Variants in UBAP2L observed in about 807,000 individuals in gnomAD.
The protein encoded by UBAP2L is ubiquitin-associated protein 2-like.
Under a neutral mutation model 130.6 loss-of-function variants are expected in UBAP2L, and 12 were observed. That is an observed-to-expected ratio of 0.09 (90% CI 0.06 to 0.15). UBAP2L has a LOEUF of 0.15. UBAP2L is among the 10% of genes least tolerant of loss of function. The pLI, the probability that UBAP2L is intolerant of heterozygous loss-of-function variation, is 1.00. For missense variants in UBAP2L, 965 were observed against 1,332.5 expected (o/e 0.72, Z 4.29); for synonymous variants, 503 against 524.7 (o/e 0.96, Z 0.57).
chr1:154,244,107 C>A (rs1464471068), intron 10 of UBAP2L, among the ~76,000 whole-genome samples: 1 of 152,154 alleles, frequency 6.6e-6, no homozygotes, highest in Non-Finnish European at 1.5e-5. Flanking sequence ...GTAGGAGATA[C>A]ACTCTTCAGG....
In UBAP2L at chr1:154,228,724, C is replaced by T. The variant is rs757610873; in HGVS notation, c.278C>T (p.Thr93Met). The T allele has an allele frequency of 1.6e-5, 26 of 1,608,092 alleles. No homozygotes were observed. The highest frequency in any genetic ancestry group is 1.6e-4 in the East Asian group (7 of 44,826). The part of the protein sequence containing the change: ...INVLLEGNPD[T>M]HSWEMVGKKK... The stretch of plus-strand genomic sequence containing the variant: ...GTTCTTCTGGAAGGAAACCCAGACA[C>T]GGTAGAGTGCTTATAGAGTGTTCTA... The change falls in exon 4 of 27, where the codon ACG (threonine) becomes ATG (methionine). Residue 93 changes from threonine to methionine, a missense_variant and splice_region_variant. By Grantham distance (81) the Thr-to-Met change is moderately conservative (BLOSUM62 -1). Around this residue, in one of 9 missense-constraint regions of UBAP2L, gnomAD observed 34 missense variants for 101.4 expected, o/e 0.34. Transcript: ENST00000428931.
chr1:154,244,927 ACT>A (rs1239720104), intron 10 of UBAP2L, among the ~76,000 whole-genome samples: 1 of 151,576 alleles, frequency 6.6e-6, no homozygotes, highest in Non-Finnish European at 1.5e-5. Context: ...AAGTTCCAAC[ACT>A]CTTACCTGGT....
intron 12 of UBAP2L, among the ~76,000 whole-genome samples, chr1:154,250,576 A>T (rs928716025): frequency 6.6e-6 from 1 of 152,134 alleles, no homozygotes; most frequent in African/African-American, 2.4e-5. Flanking sequence ...GTTGTAGGCC[A>T]GGTGCGGCAG....
intron 7 of UBAP2L, 66 bp from the exon 8 acceptor site, chr1:154,236,958 T>C: frequency 1.6e-6 from 2 of 1,227,462 alleles, no homozygotes; most frequent in Admixed American, 3.7e-5. Context: ...AAGATTTTGA[T>C]TCTTTGAGTT....
chr1:154,267,229 C>G (rs941900407), intron 25 of UBAP2L, among the ~76,000 whole-genome samples: 14 of 132,976 alleles, frequency 1.1e-4, no homozygotes, highest in African/African-American at 4.0e-4. Context: ...GATCTCGGCT[C>G]ACTGCAAACT....
In UBAP2L at chr1:154,235,106, A is replaced by G. The variant is rs1671179594; in HGVS notation, c.449-90A>G. 4 of 680,898 alleles carry G rather than the reference A, an allele frequency of 5.9e-6. No individual in the cohort carries two copies. In the East Asian group the frequency reaches 1.1e-4, roughly 18 times the overall value. 42.2% of individuals were successfully genotyped at this position (680,898 alleles called of 1,614,324 possible). On this transcript the variant is annotated intron_variant, in intron 5 of 26. Coordinates refer to ENST00000428931, the MANE Select transcript of UBAP2L (RefSeq NM_014847.4). Reference sequence around the variant, plus strand: ...ATACCATATTACATACCATTTATATATTTGTATATATCCTGTTGACTGTGC... The same window carrying G: ...ATACCATATTACATACCATTTATATGTTTGTATATATCCTGTTGACTGTGC...
chr1:154,253,824 A>G (rs1201481599), intron 14 of UBAP2L, 76 bp from the exon 15 acceptor site: 18 of 1,424,416 alleles, frequency 1.3e-5, no homozygotes, highest in Middle Eastern at 4.9e-4. Flanking sequence ...CCACTAGTAG[A>G]TCTCCACGAT....
At chr1:154,220,684 G>C (rs930683438), upstream of UBAP2L, 1 of 495,436 alleles carries the variant, frequency 2.0e-6, no homozygotes, top group Non-Finnish European at 3.6e-6. Flanking sequence ...ACGACAGTAA[G>C]AGGAAGCGGC....
intron 9 of UBAP2L, 172 bp from the exon 10 acceptor site, chr1:154,243,045 T>A (rs1272058484): frequency 1.9e-6 from 1 of 536,308 alleles, no homozygotes; most frequent in Non-Finnish European, 3.4e-6. Flanking sequence ...CTAAAACTAT[T>A]GAGCATATAT....
chr1:154,251,183 G>A lies in UBAP2L; in HGVS notation c.1356G>A (p.Pro452=), dbSNP rs754538742. The change falls in exon 13 of 27, where the codon CCG becomes CCA. Residue 452 remains proline, a synonymous_variant. Transcript: ENST00000428931. ...CCTCCACAGCTGCACCTCCACCTCC[G>A]TCTTCTCCTCTGCCAAGCAAATCCA... is the stretch of plus-strand genomic sequence containing the variant. ...VATSTAAPPP[P]SSPLPSKSTS... 8.1e-6 allele frequency: 13 copies of A among 1,614,106 alleles called. No homozygotes were observed. The highest frequency in any genetic ancestry group is 2.2e-5 in the South Asian group (2 of 91,084).
chr1:154,233,839 T>C (rs1163270163), intron 4 of UBAP2L, among the ~76,000 whole-genome samples: 1 of 148,060 alleles, frequency 6.8e-6, no homozygotes, highest in African/African-American at 2.7e-5. Flanking sequence ...CTATAAAAAG[T>C]TGTGGGTCAC....
chr1:154,223,730 C>T (rs986799433), intron 1 of UBAP2L, among the ~76,000 whole-genome samples: 2 of 152,140 alleles, frequency 1.3e-5, no homozygotes, highest in African/African-American at 2.4e-5. Flanking sequence ...AACCTATTGA[C>T]GCAACTTGGT....
intron 6 of UBAP2L, 91 bp from the exon 7 acceptor site, chr1:154,236,469 GGATTAC>G (rs1639095954): frequency 1.5e-6 from 2 of 1,322,832 alleles, no homozygotes; most frequent in African/African-American, 2.9e-5. Context: ...CAAAGTGCTG[GGATTAC>G]CACCGGGAGC....
intron 18 of UBAP2L, among the ~76,000 whole-genome samples, chr1:154,256,341 A>T (rs1679642352): frequency 1.3e-5 from 2 of 152,218 alleles, no homozygotes; most frequent in South Asian, 2.1e-4. Context: ...TTTCAGATTT[A>T]AAGTCAGAAT....
chr1:154,226,475 A>G (rs1667968951), intron 2 of UBAP2L, among the ~76,000 whole-genome samples: 1 of 152,186 alleles, frequency 6.6e-6, no homozygotes, highest in East Asian at 1.9e-4. Context: ...CCCCTTACGC[A>G]TTTTTCTTTC....
chr1:154,266,656 G>T, intron 25 of UBAP2L, 88 bp downstream of exon 25: 1 of 1,396,370 alleles, frequency 7.2e-7, no homozygotes, highest in Non-Finnish European at 1.0e-6. Flanking sequence ...TGGACAAGAA[G>T]AACCCTAGGA....
Position 154,237,147 on chromosome 1 carries a change from A to G in UBAP2L, c.703+11A>G. The G allele has an allele frequency of 1.9e-6, 3 of 1,603,674 alleles. No individual in the cohort carries two copies. The highest frequency in any genetic ancestry group is 2.6e-6 in the Non-Finnish European group (3 of 1,170,888). ...CAGATGATGGGACGAGTGAGTGACC[A>G]TTTATCATTCATTTCTTGTCTCTGG... On this transcript the variant is annotated intron_variant, in intron 8 of 26. Coordinates refer to ENST00000428931, the MANE Select transcript of UBAP2L (RefSeq NM_014847.4).
chr1:154,223,752 G>T (rs1410050674), intron 1 of UBAP2L, among the ~76,000 whole-genome samples: 1 of 152,112 alleles, frequency 6.6e-6, no homozygotes, highest in African/African-American at 2.4e-5. Context: ...AAGAATTTAT[G>T]CACAGAAAAA....
intron 9 of UBAP2L, among the ~76,000 whole-genome samples, chr1:154,242,356 T>A (rs1174083749): frequency 6.6e-6 from 1 of 152,248 alleles, no homozygotes; most frequent in African/African-American, 2.4e-5. Context: ...CTGTTTTGGT[T>A]GCCAATTCTG....
Sources: gnomAD v4.1 joint callset for allele counts (sites outside exome capture counted in the v4.1 genomes callset) on GRCh38, gnomAD v4.1.1 for gene constraint, gnomAD v4.1.1 regional missense constraint, MANE v1.5 for transcripts, NCBI Gene and HGNC (gene_info 2026-07-23, HGNC 2026-07-21) for gene names.